Variants in TSTD2 observed in about 807,000 individuals in gnomAD.
The protein encoded by TSTD2 is thiosulfate sulfurtransferase/rhodanese-like domain-containing protein 2.
In TSTD2, 37 loss-of-function variants were observed where a neutral mutation model predicts 47.9. The ratio of observed to expected loss-of-function variants is 0.77; its 90% CI spans 0.59 to 1.02. The LOEUF (loss-of-function observed/expected upper bound fraction) is 1.02, where lower values mean the gene tolerates loss of function less well. TSTD2 is among the 50% of genes least tolerant of loss of function. The probability of loss-of-function intolerance (pLI) is 0.00; values close to 1 mark genes in which losing one functional copy is unlikely to be tolerated. For missense variants in TSTD2, 586 were observed against 616.0 expected (o/e 0.95, Z 0.52); for synonymous variants, 201 against 215.9 (o/e 0.93, Z 0.61).
chr9:97,602,747 G>A lies in TSTD2; in HGVS notation c.1273C>T (p.Arg425Cys), dbSNP rs759843680. The change falls in exon 10 of 10, where the codon CGC becomes TGC. Residue 425 changes from arginine (R) to cysteine (C), a missense_variant. Arg to Cys is a radical substitution (Grantham distance 180). Transcript: ENST00000341170. The stretch of plus-strand genomic sequence containing the variant: ...GAGCAGAGTTTATACTGGTCCCAGC[G>A]GGCTCCACAGTATGAACACTCTGGG... The part of the protein sequence containing the change: ...VVSECSYCGA[R>C]WDQYKLCSTP... 8.7e-6 allele frequency: 14 copies of A among 1,612,614 alleles called. No individual in the cohort carries two copies. Among genetic ancestry groups the A allele is most frequent in the Middle Eastern group, 1.6e-4 (1 of 6,074 alleles).
intron 3 of TSTD2, among the ~76,000 whole-genome samples, chr9:97,624,147 T>G (rs1826681489): frequency 6.6e-6 from 1 of 152,164 alleles, no homozygotes; most frequent in Admixed American, 6.5e-5. Context: ...TTTAGACCCT[T>G]GCATAGTTCT....
chr9:97,603,623 CCA>C (rs1230796141), intron 9 of TSTD2, among the ~76,000 whole-genome samples: 1 of 152,174 alleles, frequency 6.6e-6, no homozygotes, highest in Non-Finnish European at 1.5e-5. Context: ...CCACCTGGGT[CCA>C]CAGAGAGCTA....
rs1826253443 is a variant in TSTD2, at chr9:97,601,322, T to G, written c.*1147A>C. 1 of 1,155,758 alleles carries G rather than the reference T, an allele frequency of 8.7e-7. No homozygotes were observed. Among genetic ancestry groups the G allele is most frequent in the Non-Finnish European group, 1.1e-6 (1 of 921,308 alleles). 71.6% of individuals were successfully genotyped at this position (1,155,758 alleles called of 1,614,324 possible). A position where few individuals can be genotyped will look rare whatever the true frequency, so the allele number is the denominator to read the frequency against. ...GTGCCTGGCACACTGGCCAGAAGAC[T>G]GGGCAGCCACCATGGCAGTGCTGGA... On this transcript the variant is annotated 3_prime_UTR_variant, in exon 10 of 10. Coordinates refer to ENST00000341170, the MANE Select transcript of TSTD2 (RefSeq NM_139246.5).
chr9:97,602,814 A>T (rs749487492), intron 9 of TSTD2, 47 bp from the exon 10 acceptor site: 19 of 1,533,764 alleles, frequency 1.2e-5, no homozygotes, highest in Non-Finnish European at 1.6e-5. Flanking sequence ...ACATTCACAC[A>T]CACGTGGACA....
Position 97,602,381 on chromosome 9 carries a change from C to T in TSTD2, c.*88G>A. 1 of 1,435,094 alleles carries T rather than the reference C, an allele frequency of 7.0e-7. No individual in the cohort carries two copies. The highest frequency in any genetic ancestry group is 9.2e-7 in the Non-Finnish European group (1 of 1,082,436). The allele number at this position is 1,435,094 out of a possible 1,614,324, so 88.9% of individuals were successfully genotyped here. A position where few individuals can be genotyped will look rare whatever the true frequency, so the allele number is the denominator to read the frequency against. On this transcript the variant is annotated 3_prime_UTR_variant, in exon 10 of 10. Coordinates refer to ENST00000341170, the MANE Select transcript of TSTD2 (RefSeq NM_139246.5). ...GCCAGAACTGAAGTTCCCGATTTCT[C>T]TGTTTCTGCAGTCTTGCCATGCTTT...
chr9:97,610,409 CA>C lies in TSTD2; in HGVS notation c.771del (p.Gly258ValfsTer34). The C allele has an allele frequency of 6.3e-7, 1 of 1,593,176 alleles. No homozygotes were observed. The highest frequency in any genetic ancestry group is 2.3e-5 in the East Asian group (1 of 43,236). ...GGAHCFPELR[V>X]GVFEEIVPMG... Reference sequence around the variant, plus strand: ...ATGGGCACGATTTCTTCAAATACACCAACACGCAATTCTGGAAAACAGTGAG... The same window carrying C: ...ATGGGCACGATTTCTTCAAATACACCACACGCAATTCTGGAAAACAGTGAG... On this transcript the variant is annotated frameshift_variant, in exon 6 of 10. Coordinates refer to ENST00000341170, the MANE Select transcript of TSTD2 (RefSeq NM_139246.5). LOFTEE classifies it high-confidence loss of function.
intron 6 of TSTD2, among the ~76,000 whole-genome samples, chr9:97,606,777 T>C (rs1264091077): frequency 6.6e-6 from 1 of 152,104 alleles, no homozygotes; most frequent in Non-Finnish European, 1.5e-5. Flanking sequence ...GAGCAAAAAG[T>C]TATGGAATAA....
intron 4 of TSTD2, among the ~76,000 whole-genome samples, chr9:97,614,584 A>C (rs112902591): frequency 0.14 from 21,648 of 152,196 alleles, 2,038 homozygotes; most frequent in Middle Eastern, 0.35. Context: ...GGAGAGGACT[A>C]CTTCAGACTG....
intron 5 of TSTD2, 103 bp downstream of exon 5, chr9:97,611,471 T>C (rs772156898): frequency 7.6e-7 from 1 of 1,318,312 alleles, no homozygotes; most frequent in Non-Finnish European, 1.0e-6. Context: ...AAAGGGTATT[T>C]ATTTGGCACT....
In TSTD2 at chr9:97,600,886, T is replaced by C. The variant is rs73552526; in HGVS notation, c.*1583A>G. 2,364 of 1,135,214 alleles carry C rather than the reference T, an allele frequency of 2.1e-3. 41 individuals carry two copies. In the African/African-American group the frequency reaches 0.036, roughly 17 times the overall value. 70.3% of individuals were successfully genotyped at this position (1,135,214 alleles called of 1,614,324 possible). A position where few individuals can be genotyped will look rare whatever the true frequency, so the allele number is the denominator to read the frequency against. On this transcript the variant is annotated 3_prime_UTR_variant, in exon 10 of 10. Coordinates refer to ENST00000341170, the MANE Select transcript of TSTD2 (RefSeq NM_139246.5). ...CACAATGCCCTTGTGCCTTTTAATA[T>C]ACCACAGTGCCAGTTAAACTAATAT...
At chr9:97,627,351 G>C (rs944869201) in intron 2 of TSTD2, 47 bp downstream of exon 2, 8 of 1,532,484 alleles carry the variant, frequency 5.2e-6, no homozygotes, top group Middle Eastern at 2.2e-4. Context: ...AAATGTATCT[G>C]CGTTAACCAC....
At chr9:97,609,467 T>C (rs759936947) in intron 6 of TSTD2, among the ~76,000 whole-genome samples, 2 of 152,188 alleles carry the variant, frequency 1.3e-5, no homozygotes, top group Non-Finnish European at 2.9e-5. Flanking sequence ...AACAAATCTA[T>C]AGGTTGAAAG....
intron 1 of TSTD2, among the ~76,000 whole-genome samples, chr9:97,631,984 G>A (rs1040716177): frequency 4.6e-5 from 7 of 152,144 alleles, no homozygotes; most frequent in African/African-American, 1.7e-4. Flanking sequence ...ACTATTTGTG[G>A]GTATTCCTGA....
chr9:97,627,323 C>T (rs1324205336), intron 2 of TSTD2, 75 bp downstream of exon 2: 1 of 1,498,510 alleles, frequency 6.7e-7, no homozygotes, highest in Non-Finnish European at 8.9e-7. Context: ...TGGAGAGCAA[C>T]CTTGATAACC....
chr9:97,602,580 C>A lies in TSTD2; in HGVS notation c.1440G>T (p.Glu480Asp), dbSNP rs767123422. 2.5e-6 allele frequency: 4 copies of A among 1,614,106 alleles called. No homozygotes were observed. The highest frequency in any genetic ancestry group is 1.7e-5 in the Admixed American group (1 of 60,008). Residue 480 changes from glutamate (E) to aspartate (D), a missense_variant, in exon 10 of 10, where the codon GAG becomes GAT. Coordinates refer to ENST00000341170, the MANE Select transcript of TSTD2 (RefSeq NM_139246.5). ...GTATGCGTGGCCGTCGGGCTGTGCA[C>A]TCGCATTCCTCTTTAAAGCTGTCTT... ...PMQDSFKEEC[E>D]CTARRPRIPR...
At position 97,602,758 on chromosome 9, in the gene TSTD2, T is replaced by G. The variant is rs1341466951; in HGVS notation, c.1262A>C (p.Tyr421Ser). The G allele has an allele frequency of 3.7e-6, 6 of 1,609,058 alleles. No individual in the cohort carries two copies. Among genetic ancestry groups the G allele is most frequent in the African/African-American group, 1.3e-5 (1 of 74,750 alleles). Residue 421 changes from tyrosine to serine, a missense_variant, in exon 10 of 10, where the codon TAC becomes TCC. Tyr to Ser is a moderately radical substitution (Grantham distance 144). Coordinates refer to ENST00000341170, the MANE Select transcript of TSTD2 (RefSeq NM_139246.5). Reference protein sequence around the residue: ...YNSDVVSECSYCGARWDQYKL... With the variant: ...YNSDVVSECSSCGARWDQYKL... ...ATACTGGTCCCAGCGGGCTCCACAG[T>G]ATGAACACTCTGGGGAGGAAGGAAA...
chr9:97,614,639 A>T (rs747886544), intron 4 of TSTD2, among the ~76,000 whole-genome samples: 1 of 152,192 alleles, frequency 6.6e-6, no homozygotes, highest in Non-Finnish European at 1.5e-5. Flanking sequence ...GAAGTGGGGT[A>T]TGCGCCATGT....
At chr9:97,617,635 A>C (rs766255676) in intron 4 of TSTD2, 122 bp downstream of exon 4, 1 of 1,282,278 alleles carries the variant, frequency 7.8e-7, no homozygotes, top group Non-Finnish European at 1.0e-6. Flanking sequence ...TGCTCAGCAG[A>C]ATTTCCCTAA....
At chr9:97,604,649 C>T in intron 9 of TSTD2, 78 bp downstream of exon 9, 1 of 1,594,012 alleles carries the variant, frequency 6.3e-7, no homozygotes, top group Non-Finnish European at 8.6e-7. Context: ...GGCCTGTCTT[C>T]CCTGTGTCAT....
Sources: gnomAD v4.1 joint callset for allele counts (sites outside exome capture counted in the v4.1 genomes callset) on GRCh38, gnomAD v4.1.1 for gene constraint, MANE v1.5 for transcripts, NCBI Gene and HGNC (gene_info 2026-07-23, HGNC 2026-07-21) for gene names.